Variants in NFIA observed in about 807,000 individuals in gnomAD.
NFIA encodes nuclear factor 1 A-type.
In NFIA, 8 loss-of-function variants were observed where a neutral mutation model predicts 62.8. The observed-to-expected ratio is 0.13, with a 90% confidence interval of 0.07 to 0.23. The LOEUF is 0.23. Ranked by LOEUF, NFIA falls within the 10% of genes least tolerant of loss-of-function variation. NFIA has a pLI of 1.00. For synonymous variants in NFIA, 235 were observed against 238.1 expected (o/e 0.99, Z 0.12); for missense variants, 410 against 642.1 (o/e 0.64, Z 3.91).
chr1:61,338,773 G>T (rs78379402), intron 4 of NFIA, among the ~76,000 whole-genome samples: 1 of 152,200 alleles, frequency 6.6e-6, no homozygotes, highest in Non-Finnish European at 1.5e-5. Context: ...GTCATTTGGG[G>T]TGCCATTTAA....
intron 10 of NFIA, among the ~76,000 whole-genome samples, chr1:61,449,706 G>T (rs1283289007): frequency 6.6e-6 from 1 of 152,200 alleles, no homozygotes; most frequent in Admixed American, 6.5e-5. Flanking sequence ...GGCCCATTAC[G>T]GTTTTAATAG....
intron 3 of NFIA, among the ~76,000 whole-genome samples, chr1:61,305,843 A>ATT (rs754217285): frequency 1.8e-4 from 22 of 123,764 alleles, no homozygotes; most frequent in South Asian, 2.6e-4. Context: ...TCTTCTTTTG[A>ATT]TTTTTTTTTT....
At chr1:61,402,603 G>T (rs953043703) in intron 7 of NFIA, among the ~76,000 whole-genome samples, 3 of 152,132 alleles carry the variant, frequency 2.0e-5, no homozygotes, top group Admixed American at 6.5e-5. Flanking sequence ...TGAAAATTCT[G>T]ATTCAAATAG....
At chr1:61,113,621 ATATGTT>A (rs1178581271) in intron 2 of NFIA, among the ~76,000 whole-genome samples, 2 of 150,144 alleles carry the variant, frequency 1.3e-5, no homozygotes, top group African/African-American at 4.9e-5. Context: ...AAAAAAGAGA[ATATGTT>A]TGGTAGAAAT....
chr1:61,372,100 G>A (rs912059089), intron 6 of NFIA, among the ~76,000 whole-genome samples: 1 of 152,134 alleles, frequency 6.6e-6, no homozygotes, highest in African/African-American at 2.4e-5. Flanking sequence ...TGTCGGCCAT[G>A]AGCAGTTTTT....
chr1:61,410,074 C>T (rs1017008963), intron 9 of NFIA, among the ~76,000 whole-genome samples: 1 of 152,082 alleles, frequency 6.6e-6, no homozygotes, highest in African/African-American at 2.4e-5. Context: ...GATGATGGAT[C>T]CCTGCTCTCA....
At chr1:61,286,098 A>G (rs1427916538) in intron 3 of NFIA, among the ~76,000 whole-genome samples, 1 of 152,108 alleles carries the variant, frequency 6.6e-6, no homozygotes, top group Admixed American at 6.5e-5. Flanking sequence ...TTGTACCTCA[A>G]TTTTCTCATA....
chr1:61,449,373 T>C (rs1667963741), intron 10 of NFIA, among the ~76,000 whole-genome samples: 1 of 152,236 alleles, frequency 6.6e-6, no homozygotes, highest in Non-Finnish European at 1.5e-5. Flanking sequence ...TATTTAACAG[T>C]ATTTATTACA....
intron 2 of NFIA, among the ~76,000 whole-genome samples, chr1:61,272,059 TA>T (rs1657538908): frequency 6.6e-6 from 1 of 152,240 alleles, no homozygotes; most frequent in African/African-American, 2.4e-5. Context: ...TCACTGAGCT[TA>T]AAAGATTTTA....
intron 3 of NFIA, among the ~76,000 whole-genome samples, chr1:61,282,664 C>A (rs902379987): frequency 1.3e-5 from 2 of 152,160 alleles, no homozygotes; most frequent in African/African-American, 4.8e-5. Context: ...TGAAAACACA[C>A]CCCCACTGGC....
rs534765892 is a variant in NFIA, at chr1:61,419,341, C to A, written c.1421-7124C>A. 3.6e-4 allele frequency among the ~76,000 whole-genome samples: 55 copies of A among 152,076 alleles called. 1 individual carries two copies. The highest frequency in any genetic ancestry group is 7.9e-4 in the Admixed American group (12 of 15,256). Reference sequence around the variant, plus strand: ...GGCACGTGCTTGTAGTCCTAACTACCGGAAAAGCTGAGGTGGGAAGATCAC... The same window carrying A: ...GGCACGTGCTTGTAGTCCTAACTACAGGAAAAGCTGAGGTGGGAAGATCAC... On this transcript the variant is annotated intron_variant, in intron 9 of 10. Transcript: ENST00000403491.
chr1:61,357,760 A>T (rs1663041382), intron 5 of NFIA, among the ~76,000 whole-genome samples: 1 of 152,166 alleles, frequency 6.6e-6, no homozygotes, highest in Non-Finnish European at 1.5e-5. Flanking sequence ...GGATGCGCAC[A>T]GTAGGTATTT....
At chr1:61,256,407 G>C (rs942865472) in intron 2 of NFIA, among the ~76,000 whole-genome samples, 2 of 139,966 alleles carry the variant, frequency 1.4e-5, no homozygotes, top group African/African-American at 5.5e-5. Flanking sequence ...CTGCACTCCA[G>C]CCTGGGTGAG....
At chr1:61,192,715 GAAA>G (rs577800486) in intron 2 of NFIA, among the ~76,000 whole-genome samples, 1 of 147,442 alleles carries the variant, frequency 6.8e-6, no homozygotes, top group Non-Finnish European at 1.5e-5. Context: ...AAAAAAAAAA[GAAA>G]AAAAAAGAAA....
chr1:61,222,581 T>C (rs916353323), intron 2 of NFIA, among the ~76,000 whole-genome samples: 3 of 152,218 alleles, frequency 2.0e-5, no homozygotes, highest in Admixed American at 1.3e-4. Context: ...GTTTCAAACT[T>C]ACTAACTTTA....
chr1:61,368,627 G>T (rs796481050), intron 6 of NFIA, among the ~76,000 whole-genome samples: 23 of 152,300 alleles, frequency 1.5e-4, no homozygotes, highest in African/African-American at 5.3e-4. Flanking sequence ...AACAAGAGCT[G>T]CCATTTATTA....
At chr1:61,240,692 A>G (rs1470729536) in intron 2 of NFIA, among the ~76,000 whole-genome samples, 1 of 152,136 alleles carries the variant, frequency 6.6e-6, no homozygotes, top group Admixed American at 6.6e-5. Flanking sequence ...TTATAAAATT[A>G]TCACCCACTG....
intron 2 of NFIA, among the ~76,000 whole-genome samples, chr1:61,270,363 T>TACCATTTCATACTCTTTTC (rs145647763): frequency 0.084 from 12,801 of 152,142 alleles, 731 homozygotes; most frequent in Non-Finnish European, 0.11. Flanking sequence ...ACCATCTTTT[T>TACCATTTCATACTCTTTTC]ACCATTTCAT....
At chr1:61,235,507 A>T (rs150522308) in intron 2 of NFIA, among the ~76,000 whole-genome samples, 2,230 of 138,310 alleles carry the variant, frequency 0.016, 57 homozygotes, top group African/African-American at 0.052. Context: ...AATAAATAAA[A>T]ATAAAAAATA....
Sources: allele counts gnomAD v4.1 joint callset (sites outside exome capture counted in the v4.1 genomes callset), GRCh38; gene constraint gnomAD v4.1.1; transcripts MANE v1.5; gene names NCBI Gene and HGNC (gene_info 2026-07-23, HGNC 2026-07-21).